RPA3: variants seen among roughly 807,000 people sequenced by gnomAD.
RPA3 encodes replication protein A 14 kDa subunit.
RPA3 carries 24 observed loss-of-function variants against 13.7 expected under a neutral mutation model. That is an observed-to-expected ratio of 1.75 (90% CI 1.27 to 2.46). The LOEUF (loss-of-function observed/expected upper bound fraction) is 2.46. Among genes scored for constraint, RPA3 ranks in the 30% most tolerant of loss-of-function variants. RPA3 has a pLI of 0.00. For missense variants in RPA3, 183 were observed against 151.0 expected (o/e 1.21, Z -1.11); for synonymous variants, 59 against 51.2 (o/e 1.15, Z -0.65).
chr7:7,644,354 C>CTTTTT (rs35141799), intron 4 of RPA3, among the ~76,000 whole-genome samples: 1 of 141,896 alleles, frequency 7.0e-6, no homozygotes, highest in African/African-American at 2.6e-5. Context: ...TCATTCCATC[C>CTTTTT]TTTTTTTTTT....
intron 4 of RPA3, among the ~76,000 whole-genome samples, chr7:7,676,833 A>G (rs74367146): frequency 0.018 from 2,736 of 152,288 alleles, 82 homozygotes; most frequent in African/African-American, 0.063. Context: ...AAAGATCTTG[A>G]CAGATTATTA....
At chr7:7,648,869 A>G (rs1785156283) in intron 4 of RPA3, among the ~76,000 whole-genome samples, 2 of 151,452 alleles carry the variant, frequency 1.3e-5, no homozygotes, top group South Asian at 2.1e-4. Context: ...GAAAGAAAGA[A>G]AAAAAAAGGC....
chr7:7,643,799 G>A (rs1422150422), intron 4 of RPA3, among the ~76,000 whole-genome samples: 2 of 151,090 alleles, frequency 1.3e-5, no homozygotes, highest in African/African-American at 2.4e-5. Flanking sequence ...TCACATTCCC[G>A]CTTGGGTCTC....
intron 1 of RPA3, among the ~76,000 whole-genome samples, chr7:7,716,485 G>C (rs1441256162): frequency 6.6e-6 from 1 of 152,204 alleles, no homozygotes; most frequent in African/African-American, 2.4e-5. Flanking sequence ...AGCTTGCACA[G>C]GTGAATGCTG....
intron 4 of RPA3, among the ~76,000 whole-genome samples, chr7:7,641,945 G>A (rs3757527): frequency 0.52 from 79,676 of 152,084 alleles, 24,075 homozygotes; most frequent in East Asian, 0.88. Context: ...ACTCACTAAC[G>A]GTACTTTAAA....
intron 4 of RPA3, among the ~76,000 whole-genome samples, chr7:7,642,959 C>T (rs35202374): frequency 0.18 from 27,202 of 152,032 alleles, 2,634 homozygotes; most frequent in Middle Eastern, 0.23. Context: ...TATCTTCTGA[C>T]TTCTTTTGTT....
chr7:7,672,093 T>G (rs1199081441), intron 4 of RPA3, among the ~76,000 whole-genome samples: 1 of 152,210 alleles, frequency 6.6e-6, no homozygotes, highest in Non-Finnish European at 1.5e-5. Flanking sequence ...CTAGAAGGCT[T>G]TCACTCACAT....
intron 2 of RPA3, among the ~76,000 whole-genome samples, chr7:7,711,068 C>A (rs1269893535): frequency 6.6e-6 from 1 of 152,074 alleles, no homozygotes; most frequent in Non-Finnish European, 1.5e-5. Flanking sequence ...GTGTGTGTGG[C>A]TATAGAAGGA....
chr7:7,708,011 A>G (rs1193368826), intron 2 of RPA3, among the ~76,000 whole-genome samples: 7 of 152,180 alleles, frequency 4.6e-5, no homozygotes, highest in Non-Finnish European at 1.0e-4. Context: ...CTCCTCCTGA[A>G]TCACAAAGGT....
chr7:7,675,067 G>GT (rs1779704967), intron 4 of RPA3, among the ~76,000 whole-genome samples: 1 of 151,994 alleles, frequency 6.6e-6, no homozygotes, highest in South Asian at 2.1e-4. Context: ...GTCTTGCCAT[G>GT]TTGCCCAGGT....
chr7:7,652,017 C>T (rs1342453536), intron 4 of RPA3, among the ~76,000 whole-genome samples: 1 of 152,114 alleles, frequency 6.6e-6, no homozygotes, highest in Non-Finnish European at 1.5e-5. Flanking sequence ...AAGATCTTGT[C>T]AGGGAGGGGT....
chr7:7,705,539 G>T (rs1174021298), intron 2 of RPA3, among the ~76,000 whole-genome samples: 1 of 152,102 alleles, frequency 6.6e-6, no homozygotes, highest in East Asian at 1.9e-4. Context: ...TAATCATCTG[G>T]CTCTAAGTAC....
intron 2 of RPA3, among the ~76,000 whole-genome samples, chr7:7,713,242 G>A (rs1169459521): frequency 9.9e-5 from 15 of 151,996 alleles, no homozygotes; most frequent in Admixed American, 7.2e-4. Context: ...TACTCAGGAG[G>A]CTGAGGCAGG....
At position 7,640,713 on chromosome 7, in the gene RPA3, C is replaced by T. The variant is rs1784947590; in HGVS notation, c.-295G>A. 2 of 362,840 alleles carry T rather than the reference C, an allele frequency of 5.5e-6. No individual in the cohort carries two copies. The highest frequency in any genetic ancestry group is 1.0e-5 in the Non-Finnish European group (2 of 196,958). 22.5% of individuals were successfully genotyped at this position (362,840 alleles called of 1,614,324 possible). On this transcript the variant is annotated 5_prime_UTR_variant, in exon 5 of 8. Coordinates refer to ENST00000223129, the MANE Select transcript of RPA3 (RefSeq NM_002947.5). ...GGCGGGACTTGGATAGGGGCGGAAC[C>T]TGAGACTACCTTTCTGCGATCACAG... is the stretch of plus-strand genomic sequence containing the variant.
intron 4 of RPA3, among the ~76,000 whole-genome samples, chr7:7,677,664 GTTTTTTTTTTT>G (rs141602455): frequency 2.6e-5 from 3 of 113,498 alleles, no homozygotes; most frequent in African/African-American, 7.1e-5. Context: ...CTGTTTTTTT[GTTTTTTTTTTT>G]TTTTTTTTTT....
chr7:7,714,727 C>G (rs1780850166), intron 2 of RPA3, among the ~76,000 whole-genome samples: 2 of 152,106 alleles, frequency 1.3e-5, no homozygotes, highest in Admixed American at 6.6e-5. Context: ...AGCTGAAAAC[C>G]TTCCTGGGGG....
At chr7:7,674,462 T>C (rs1254128496) in intron 4 of RPA3, among the ~76,000 whole-genome samples, 1 of 152,218 alleles carries the variant, frequency 6.6e-6, no homozygotes, top group African/African-American at 2.4e-5. Flanking sequence ...TCTACAGCCA[T>C]GTTCTGGCAG....
chr7:7,699,510 C>T (rs968718441), intron 2 of RPA3, among the ~76,000 whole-genome samples: 21 of 152,224 alleles, frequency 1.4e-4, no homozygotes, highest in African/African-American at 4.8e-4. Flanking sequence ...TAAACAGGAG[C>T]AGTGGAAAGT....
chr7:7,680,873 A>G (rs191833936), intron 4 of RPA3, among the ~76,000 whole-genome samples: 3 of 151,180 alleles, frequency 2.0e-5, no homozygotes, highest in Admixed American at 2.0e-4. Flanking sequence ...AATGCTATTG[A>G]TTTTTGTATG....
Sources: gnomAD v4.1 joint callset for allele counts (sites outside exome capture counted in the v4.1 genomes callset) on GRCh38, gnomAD v4.1.1 for gene constraint, MANE v1.5 for transcripts, NCBI Gene and HGNC (gene_info 2026-07-23, HGNC 2026-07-21) for gene names.